CLEC16A: variants seen among roughly 807,000 people sequenced by gnomAD.
The protein encoded by CLEC16A is protein CLEC16A.
A neutral mutation model predicts 109.5 loss-of-function variants in CLEC16A; 51 were observed. The observed-to-expected ratio is 0.47, with a 90% confidence interval of 0.37 to 0.59. The LOEUF is 0.59. CLEC16A is among the 20% of genes least tolerant of loss of function. CLEC16A has a pLI of 0.00. For missense variants in CLEC16A, 1,339 were observed against 1,394.0 expected (o/e 0.96, Z 0.63); for synonymous variants, 673 against 564.2 (o/e 1.19, Z -2.73).
intron 16 of CLEC16A, among the ~76,000 whole-genome samples, chr16:11,045,791 CTTTCA>C (rs1224384829): frequency 1.3e-5 from 2 of 152,208 alleles, no homozygotes; most frequent in Non-Finnish European, 2.9e-5. Context: ...GTCCCCTGTA[CTTTCA>C]TTATTCAAGC....
chr16:11,155,052 AG>A, intron 22 of CLEC16A, among the ~76,000 whole-genome samples: 1 of 152,172 alleles, frequency 6.6e-6, no homozygotes, highest in African/African-American at 2.4e-5. Context: ...GAGCCTGGCG[AG>A]GTCAAGAGGC....
chr16:10,997,621 G>T (rs1042066955), intron 10 of CLEC16A, among the ~76,000 whole-genome samples: 1 of 152,168 alleles, frequency 6.6e-6, no homozygotes, highest in Non-Finnish European at 1.5e-5. Context: ...GGTAATAAAA[G>T]TTTCTAGTGC....
intron 23 of CLEC16A, among the ~76,000 whole-genome samples, chr16:11,176,897 A>G (rs891266791): frequency 6.6e-6 from 1 of 151,936 alleles, no homozygotes; most frequent in Non-Finnish European, 1.5e-5. Context: ...CCCTTTCTAT[A>G]TGCTGCCTGC....
intron 19 of CLEC16A, among the ~76,000 whole-genome samples, chr16:11,109,315 A>G (rs1337613752): frequency 1.3e-5 from 2 of 151,858 alleles, no homozygotes; most frequent in East Asian, 3.9e-4. Flanking sequence ...CACCACACCC[A>G]GCTAATTTTT....
At chr16:11,033,860 C>T (rs989179643) in intron 13 of CLEC16A, among the ~76,000 whole-genome samples, 1 of 152,206 alleles carries the variant, frequency 6.6e-6, no homozygotes, top group African/African-American at 2.4e-5. Context: ...ATAATGAATT[C>T]TGGTTTGTTT....
At chr16:11,091,774 C>T (rs747895094) in intron 19 of CLEC16A, among the ~76,000 whole-genome samples, 11 of 152,180 alleles carry the variant, frequency 7.2e-5, no homozygotes, top group Non-Finnish European at 1.2e-4. Flanking sequence ...AGCTCAAGTT[C>T]CATGACTCAG....
rs1329724138 is a variant in CLEC16A at position 10,954,180 on chromosome 16, C to T, written c.81-3602C>T. Among the ~76,000 whole-genome samples the T allele has an allele frequency of 1.3e-5, 2 of 152,080 alleles. No homozygotes were observed. The highest frequency in any genetic ancestry group is 2.9e-5 in the Non-Finnish European group (2 of 67,990). On this transcript the variant is annotated intron_variant, in intron 1 of 23. Coordinates refer to ENST00000409790, the MANE Select transcript of CLEC16A (RefSeq NM_015226.3). This position sits in a 1 kb window ranked among gnomAD's most constrained non-coding sequence, Gnocchi z 4.2. The stretch of plus-strand genomic sequence containing the variant: ...GAGAGGCCAAGAAACAAATGGAGTT[C>T]TCAGACCTTTCTTCCTGGCCACAGG...
At chr16:11,156,294 C>T (rs990231193) in intron 22 of CLEC16A, among the ~76,000 whole-genome samples, 4 of 145,732 alleles carry the variant, frequency 2.7e-5, no homozygotes, top group Non-Finnish European at 6.0e-5. Flanking sequence ...CACTTGAATG[C>T]GGGAGGCAGA....
rs1414368256 is a variant in CLEC16A at position 11,174,121 on chromosome 16, T to C, written c.2807-4214T>C. The C allele has an allele frequency of 1.4e-4, 66 of 462,922 alleles. No homozygotes were observed. Among genetic ancestry groups the C allele is most frequent in the Non-Finnish European group, 2.6e-4 (57 of 221,510 alleles). The allele number at this position is 462,922 out of a possible 1,614,324, so 28.7% of individuals were successfully genotyped here. A position where few individuals can be genotyped will look rare whatever the true frequency, so the allele number is the denominator to read the frequency against. ...CCTCTGCCGTCCCATTGTTAAAGGC[T>C]TTCTATGATCTGTCGCTGTGTTTTC... On this transcript the variant is annotated intron_variant, in intron 23 of 23. Transcript: ENST00000409790. The surrounding 1 kb of genome is among the most constrained non-coding windows in gnomAD (Gnocchi z 4.7).
At chr16:11,129,858 G>C (rs1334135944) in intron 22 of CLEC16A, among the ~76,000 whole-genome samples, 2 of 151,704 alleles carry the variant, frequency 1.3e-5, no homozygotes, top group Non-Finnish European at 2.9e-5. Context: ...CGCCTCCCGG[G>C]TTCACACCAT....
intron 22 of CLEC16A, among the ~76,000 whole-genome samples, chr16:11,154,966 C>T (rs1162169468): frequency 7.3e-5 from 11 of 151,528 alleles, no homozygotes; most frequent in Non-Finnish European, 1.5e-5. Context: ...CTACAAAAAA[C>T]AGAAAAATTA....
intron 9 of CLEC16A, among the ~76,000 whole-genome samples, chr16:10,981,622 G>T (rs2043325383): frequency 6.6e-6 from 1 of 152,182 alleles, no homozygotes; most frequent in Non-Finnish European, 1.5e-5. Flanking sequence ...CTCCCCAGAG[G>T]CAGCCTGTGT....
At position 11,060,985 on chromosome 16, in the gene CLEC16A, G is replaced by T; in HGVS notation, c.2079G>T (p.Glu693Asp). The T allele has an allele frequency of 2.5e-6, 4 of 1,612,138 alleles. No individual in the cohort carries two copies. Among genetic ancestry groups the T allele is most frequent in the Non-Finnish European group, 3.4e-6 (4 of 1,179,498 alleles). Residue 693 changes from glutamate to aspartate, a missense_variant, in exon 19 of 24, where the codon GAG becomes GAT. Coordinates refer to ENST00000409790, the MANE Select transcript of CLEC16A (RefSeq NM_015226.3). The part of the protein sequence containing the change: ...EPETQLPLTR[E>D]EDLIKTDDVL... ...AGACACAGTTGCCGCTGACTCGGGA[G>T]GAGGACCTGATCAAGACTGATGATG...
chr16:11,106,764 G>C (rs1044453815), intron 19 of CLEC16A, among the ~76,000 whole-genome samples: 3 of 152,112 alleles, frequency 2.0e-5, no homozygotes, highest in South Asian at 2.1e-4. Flanking sequence ...AAATACTCCA[G>C]CTTGCATATC....
chr16:11,075,759 GGAGGAT>G (rs1363718754), intron 19 of CLEC16A, among the ~76,000 whole-genome samples: 1 of 152,020 alleles, frequency 6.6e-6, no homozygotes, highest in Non-Finnish European at 1.5e-5. Context: ...TTGACCAGGG[GGAGGAT>G]GAGGTGCTTG....
At chr16:11,159,575 A>T (rs2054647190) in intron 22 of CLEC16A, among the ~76,000 whole-genome samples, 1 of 152,264 alleles carries the variant, frequency 6.6e-6, no homozygotes, top group Non-Finnish European at 1.5e-5. Context: ...AAGGGCTGTC[A>T]TAGGGCGTTA....
chr16:10,957,098 G>C (rs1238173810), intron 1 of CLEC16A, among the ~76,000 whole-genome samples: 2 of 152,188 alleles, frequency 1.3e-5, no homozygotes, highest in African/African-American at 2.4e-5. Flanking sequence ...CTCCCAGCCA[G>C]CCCATTTAAC....
In CLEC16A at chr16:11,181,658, G is replaced by A. The variant is rs200900193; in HGVS notation, c.*2968G>A. The A allele has an allele frequency of 2.0e-5, 3 of 152,266 alleles. No individual in the cohort carries two copies. Among genetic ancestry groups the A allele is most frequent in the Admixed American group, 6.5e-5 (1 of 15,288 alleles). The allele number at this position is 152,266 out of a possible 1,614,324, so 9.4% of individuals were successfully genotyped here. A position where few individuals can be genotyped will look rare whatever the true frequency, so the allele number is the denominator to read the frequency against. Reference sequence around the variant, plus strand: ...GCAGGAAGGGCCAGCCTTCACCATCGCGTGGGATTGGGAGGAGGGGCCTCC... The same window carrying A: ...GCAGGAAGGGCCAGCCTTCACCATCACGTGGGATTGGGAGGAGGGGCCTCC... On this transcript the variant is annotated 3_prime_UTR_variant, in exon 24 of 24. Coordinates refer to ENST00000409790, the MANE Select transcript of CLEC16A (RefSeq NM_015226.3).
intron 4 of CLEC16A, among the ~76,000 whole-genome samples, chr16:10,969,959 G>A (rs1489808219): frequency 1.3e-5 from 2 of 152,160 alleles, no homozygotes; most frequent in Non-Finnish European, 2.9e-5. Flanking sequence ...AAGCATAGAC[G>A]TTGCTATTGT....
Sources: allele counts gnomAD v4.1 joint callset (sites outside exome capture counted in the v4.1 genomes callset), GRCh38; gene constraint gnomAD v4.1.1; non-coding constraint Gnocchi (gnomAD v3.1); transcripts MANE v1.5; gene names NCBI Gene and HGNC (gene_info 2026-07-23, HGNC 2026-07-21).